The following PTPRG variants were observed in gnomAD, a reference collection of about 807,000 sequenced individuals.
The protein encoded by PTPRG is protein tyrosine phosphatase receptor type G, also known as receptor-type tyrosine-protein phosphatase gamma.
Under a neutral mutation model 165.3 loss-of-function variants are expected in PTPRG, and 102 were observed. The ratio of observed to expected loss-of-function variants is 0.62; its 90% CI spans 0.53 to 0.73. The LOEUF (loss-of-function observed/expected upper bound fraction) is 0.73. Among genes scored for constraint, PTPRG ranks in the 30% least tolerant of loss-of-function variants. The probability of loss-of-function intolerance (pLI) is 0.00; values close to 1 mark genes in which losing one functional copy is unlikely to be tolerated. For missense variants in PTPRG, 1,866 were observed against 1,861.4 expected (o/e 1.00, Z -0.05); for synonymous variants, 675 against 669.5 (o/e 1.01, Z -0.13).
chr3:61,869,949 C>T (rs943740547), intron 2 of PTPRG, among the ~76,000 whole-genome samples: 1 of 151,894 alleles, frequency 6.6e-6, no homozygotes, highest in Non-Finnish European at 1.5e-5. Context: ...TCTTGTGATT[C>T]GACTCTCATC....
intron 1 of PTPRG, among the ~76,000 whole-genome samples, chr3:61,746,590 C>T (rs1007802703): frequency 2.4e-4 from 36 of 152,026 alleles, no homozygotes; most frequent in African/African-American, 8.7e-4. Flanking sequence ...TCAACCACCC[C>T]CCGAGGCTTC....
At chr3:61,714,773 C>G (rs1575605821) in intron 1 of PTPRG, among the ~76,000 whole-genome samples, 1 of 152,094 alleles carries the variant, frequency 6.6e-6, no homozygotes, top group African/African-American at 2.4e-5. Context: ...GTGAAATGTC[C>G]CACCATCCCA....
intron 1 of PTPRG, among the ~76,000 whole-genome samples, chr3:61,664,788 G>T (rs367966054): frequency 1.3e-3 from 193 of 152,254 alleles, no homozygotes; most frequent in African/African-American, 4.3e-3. Context: ...CCGAGATCGC[G>T]CCATTGCACT....
At chr3:61,971,688 C>T (rs956453173) in intron 2 of PTPRG, among the ~76,000 whole-genome samples, 9 of 152,194 alleles carry the variant, frequency 5.9e-5, no homozygotes, top group Admixed American at 3.9e-4. Flanking sequence ...AATCCCTCTT[C>T]GGATCATTTG....
At chr3:62,056,195 G>T (rs1700628936) in intron 4 of PTPRG, among the ~76,000 whole-genome samples, 1 of 152,334 alleles carries the variant, frequency 6.6e-6, no homozygotes, top group East Asian at 1.9e-4. Flanking sequence ...CTTCGAATAT[G>T]CCCTGGTAAG....
chr3:61,971,411 T>G (rs2040380431), intron 2 of PTPRG, among the ~76,000 whole-genome samples: 1 of 152,196 alleles, frequency 6.6e-6, no homozygotes, highest in Non-Finnish European at 1.5e-5. Context: ...CTTTTCTCAT[T>G]TTGTCAAGGC....
rs375190034 is a variant in PTPRG, at chr3:62,252,026, T to C, written c.2468-3098T>C. ...AGCTTTATCATTATCCTGCTTTTGT[T>C]ATACCATAATAATCTCTCATTTAAT... On this transcript the variant is annotated intron_variant, in intron 15 of 29. Transcript: ENST00000474889. This position sits in a 1 kb window ranked among gnomAD's most constrained non-coding sequence, Gnocchi z 4.6. Among the ~76,000 whole-genome samples, 1 of 152,322 alleles carries C rather than the reference T, an allele frequency of 6.6e-6. No individual in the cohort carries two copies.
At chr3:61,741,401 T>G in intron 1 of PTPRG, among the ~76,000 whole-genome samples, 1 of 152,174 alleles carries the variant, frequency 6.6e-6, no homozygotes, top group East Asian at 1.9e-4. Flanking sequence ...TCACCCTAAG[T>G]AGTTTTCATT....
intron 1 of PTPRG, among the ~76,000 whole-genome samples, chr3:61,645,595 A>AAC (rs1159637376): frequency 8.5e-5 from 13 of 152,230 alleles, no homozygotes; most frequent in Admixed American, 7.9e-4. Context: ...TCGTTGCCTT[A>AAC]ACGGGGCTAG....
At chr3:61,895,980 A>G (rs564922900) in intron 2 of PTPRG, among the ~76,000 whole-genome samples, 7 of 152,332 alleles carry the variant, frequency 4.6e-5, no homozygotes, top group South Asian at 2.1e-4. Context: ...TGGTAAAACT[A>G]TGGTATATCA....
intron 1 of PTPRG, among the ~76,000 whole-genome samples, chr3:61,606,995 C>T (rs933534707): frequency 6.6e-6 from 1 of 152,170 alleles, no homozygotes; most frequent in Non-Finnish European, 1.5e-5. Flanking sequence ...TCCCCACCTA[C>T]GTGATAGAAG....
At chr3:61,856,083 G>A (rs1357110187) in intron 2 of PTPRG, among the ~76,000 whole-genome samples, 1 of 152,124 alleles carries the variant, frequency 6.6e-6, no homozygotes, top group Non-Finnish European at 1.5e-5. Context: ...TGACAGTCAA[G>A]TGTGATGCCC....
At chr3:61,742,916 C>T in intron 1 of PTPRG, 1 of 1,472,266 alleles carries the variant, frequency 6.8e-7, no homozygotes, top group Non-Finnish European at 9.5e-7. Context: ...AGGACACACA[C>T]ACACAACTTA....
chr3:61,809,152 A>G (rs2035500487), intron 2 of PTPRG, among the ~76,000 whole-genome samples: 1 of 151,238 alleles, frequency 6.6e-6, no homozygotes, highest in Non-Finnish European at 1.5e-5. Context: ...GTTGTTTCTT[A>G]TTATTATCAC....
chr3:61,889,973 T>A (rs2038163027), intron 2 of PTPRG, among the ~76,000 whole-genome samples: 1 of 152,212 alleles, frequency 6.6e-6, no homozygotes, highest in Admixed American at 6.5e-5. Flanking sequence ...CACATGGAAT[T>A]ATTTTAGCAA....
intron 1 of PTPRG, among the ~76,000 whole-genome samples, chr3:61,590,261 C>A (rs1700536016): frequency 6.6e-6 from 1 of 151,408 alleles, no homozygotes; most frequent in African/African-American, 2.4e-5. Flanking sequence ...GTGGCTCACG[C>A]CTGTAATCCC....
At chr3:62,057,615 C>G (rs955174844) in intron 4 of PTPRG, among the ~76,000 whole-genome samples, 1 of 152,252 alleles carries the variant, frequency 6.6e-6, no homozygotes, top group South Asian at 2.1e-4. Context: ...TGCCAGCTAA[C>G]AAAAATAACT....
intron 2 of PTPRG, among the ~76,000 whole-genome samples, chr3:61,907,446 A>G (rs1034687943): frequency 1.3e-5 from 2 of 152,166 alleles, no homozygotes; most frequent in Non-Finnish European, 2.9e-5. Context: ...AGCTGCCTCC[A>G]TCAGTCATGT....
At chr3:62,191,807 A>G (rs938637068) in intron 9 of PTPRG, among the ~76,000 whole-genome samples, 154 bp downstream of exon 9, 5 of 152,250 alleles carry the variant, frequency 3.3e-5, no homozygotes, top group African/African-American at 1.2e-4. Flanking sequence ...GCTGCTCGAG[A>G]GTGCCGGGGA....
Sources: allele counts gnomAD v4.1 joint callset (sites outside exome capture counted in the v4.1 genomes callset), GRCh38; gene constraint gnomAD v4.1.1; non-coding constraint Gnocchi (gnomAD v3.1); transcripts MANE v1.5; gene names NCBI Gene and HGNC (gene_info 2026-07-23, HGNC 2026-07-21).